IPO13: variants seen among roughly 807,000 people sequenced by gnomAD.
The protein encoded by IPO13 is importin 13.
A neutral mutation model predicts 115.5 loss-of-function variants in IPO13; 28 were observed. That is an observed-to-expected ratio of 0.24 (90% CI 0.18 to 0.33). The LOEUF (loss-of-function observed/expected upper bound fraction) is 0.33. Ranked by LOEUF, IPO13 falls within the 10% of genes least tolerant of loss-of-function variation. The pLI is 1.00. For missense variants in IPO13, 785 were observed against 1,204.6 expected (o/e 0.65, Z 5.16); for synonymous variants, 414 against 478.9 (o/e 0.86, Z 1.77).
intron 2 of IPO13, chr1:43,953,284 G>A (rs765429068): frequency 6.6e-6 from 1 of 152,218 alleles, no homozygotes; most frequent in Non-Finnish European, 1.5e-5. Context: ...CAGCAGCCCT[G>A]CCTCGGCTAC....
intron 1 of IPO13, 111 bp downstream of exon 1, chr1:43,947,795 G>T: frequency 2.0e-6 from 1 of 512,022 alleles, no homozygotes; most frequent in Non-Finnish European, 3.2e-6. Flanking sequence ...GGTGCCCCCA[G>T]AGCACCTGGC....
At chr1:43,963,984 C>T (rs1446327857) in intron 14 of IPO13, among the ~76,000 whole-genome samples, 4 of 152,210 alleles carry the variant, frequency 2.6e-5, no homozygotes, top group Non-Finnish European at 1.5e-5. Flanking sequence ...TCCAGAATTG[C>T]TCAAGTACCA....
At chr1:43,955,295 C>A (rs2085236772) in intron 2 of IPO13, among the ~76,000 whole-genome samples, 2 of 151,780 alleles carry the variant, frequency 1.3e-5, no homozygotes, top group Non-Finnish European at 2.9e-5. Context: ...GGCTTATGAG[C>A]CTGTGTTTAC....
intron 2 of IPO13, among the ~76,000 whole-genome samples, chr1:43,953,845 C>T (rs903426524): frequency 5.9e-5 from 9 of 152,112 alleles, no homozygotes; most frequent in African/African-American, 1.9e-4. Flanking sequence ...TGGGCTGAGA[C>T]GTACATAAAT....
Position 43,955,702 on chromosome 1 carries a change from A to G in IPO13, c.822-618A>G, listed in dbSNP as rs151006812. Among the ~76,000 whole-genome samples, 11 of 152,328 alleles carry G rather than the reference A, an allele frequency of 7.2e-5. No homozygotes were observed. The East Asian group carries it at 1.9e-3, about 27-fold the overall frequency. ...CTACTCCAGTATAACCTCATCTGCAATTATCTTATTTCCAAATAAGATCAC... is the reference window on the plus strand; with the variant it reads ...CTACTCCAGTATAACCTCATCTGCAGTTATCTTATTTCCAAATAAGATCAC... On this transcript the variant is annotated intron_variant, in intron 2 of 19. Transcript: ENST00000372343.
intron 15 of IPO13, 36 bp downstream of exon 15, chr1:43,964,357 C>T: frequency 6.8e-7 from 1 of 1,465,072 alleles, no homozygotes; most frequent in Non-Finnish European, 9.5e-7. Context: ...GTTCTGTTCT[C>T]TCTCTTTCTC....
chr1:43,957,591 C>A, intron 7 of IPO13, 42 bp downstream of exon 7: 1 of 1,608,414 alleles, frequency 6.2e-7, no homozygotes, highest in African/African-American at 1.3e-5. Context: ...CCCAGAGCCA[C>A]AGCACCCAAC....
intron 5 of IPO13, 79 bp downstream of exon 5, chr1:43,957,055 C>G (rs2085255825): frequency 1.9e-6 from 3 of 1,568,296 alleles, no homozygotes; most frequent in South Asian, 1.2e-5. Flanking sequence ...CAAGTCCAGG[C>G]TTTCTGAATT....
At position 43,956,432 on chromosome 1, in the gene IPO13, G is replaced by A. The variant is rs139508774; in HGVS notation, c.934G>A (p.Ala312Thr). Residue 312 changes from alanine (A) to threonine (T), a missense_variant, in exon 3 of 20, where the codon GCT (alanine) becomes ACT (threonine). Around this residue, in one of 3 missense-constraint regions of IPO13, gnomAD observed 325 missense variants for 449.8 expected, o/e 0.72. Coordinates refer to ENST00000372343, the MANE Select transcript of IPO13 (RefSeq NM_014652.4). The surrounding 1 kb of genome is among the most constrained non-coding windows in gnomAD (Gnocchi z 4.7). ...METSHGICRIAVALGENHSRA... is the reference protein window; with the variant it reads ...METSHGICRITVALGENHSRA... ...GACCTCCCATGGCATCTGTCGCATC[G>A]CTGTGGCCCTGGGCGAGAACCACTC... 12 of 1,614,072 alleles carry A rather than the reference G, an allele frequency of 7.4e-6. No individual in the cohort carries two copies. Among genetic ancestry groups the A allele is most frequent in the Admixed American group, 1.7e-5 (1 of 60,004 alleles).
In IPO13 at chr1:43,966,180, T is replaced by C; in HGVS notation, c.2398-395T>C. The C allele has an allele frequency of 3.1e-6, 1 of 326,882 alleles. No homozygotes were observed. Among genetic ancestry groups the C allele is most frequent in the East Asian group, 7.4e-5 (1 of 13,484 alleles). The allele number at this position is 326,882 out of a possible 1,614,324, so 20.2% of individuals were successfully genotyped here. A position where few individuals can be genotyped will look rare whatever the true frequency, so the allele number is the denominator to read the frequency against. ...TCTGGCTGCCATCTCTTCTTCCTGC[T>C]ACCCTGTTCACAAACTGGGGGTGCT... On this transcript the variant is annotated intron_variant, in intron 15 of 19. Transcript: ENST00000372343. The surrounding 1 kb of genome is among the most constrained non-coding windows in gnomAD (Gnocchi z 4.1).
At position 43,966,897 on chromosome 1, in the gene IPO13, A is replaced by G; in HGVS notation, c.2524-33A>G. On this transcript the variant is annotated intron_variant, in intron 17 of 19. Coordinates refer to ENST00000372343, the MANE Select transcript of IPO13 (RefSeq NM_014652.4). The surrounding 1 kb of genome is among the most constrained non-coding windows in gnomAD (Gnocchi z 4.1). ...TTGTCCTCAGGGAGAGCTGGGAAGG[A>G]GCTGGGCTGATGGGCCTCTCCATCC... is the stretch of plus-strand genomic sequence containing the variant. The G allele has an allele frequency of 6.2e-7, 1 of 1,611,076 alleles. No individual in the cohort carries two copies. Among genetic ancestry groups the G allele is most frequent in the Non-Finnish European group, 8.5e-7 (1 of 1,177,644 alleles).
Position 43,947,026 on chromosome 1 carries a change from C to G in IPO13, c.-575C>G. 1 of 398,744 alleles carries G rather than the reference C, an allele frequency of 2.5e-6. No homozygotes were observed. The highest frequency in any genetic ancestry group is 4.4e-6 in the Non-Finnish European group (1 of 226,136). The allele number at this position is 398,744 out of a possible 1,614,324, so 24.7% of individuals were successfully genotyped here. On this transcript the variant is annotated 5_prime_UTR_variant, in exon 1 of 20. Coordinates refer to ENST00000372343, the MANE Select transcript of IPO13 (RefSeq NM_014652.4). ...GCCGGGCGTTGAGCACAGCGCGGGC[C>G]AGGCCGAACGGAAGGGACCTGCCAC...
At chr1:43,955,501 G>A (rs2085238193) in intron 2 of IPO13, among the ~76,000 whole-genome samples, 2 of 152,296 alleles carry the variant, frequency 1.3e-5, no homozygotes, top group South Asian at 2.1e-4. Context: ...AGGAGACTCC[G>A]TCCTTGCCTC....
chr1:43,956,912 T>C lies in IPO13; in HGVS notation c.1207T>C (p.Phe403Leu). The change falls in exon 5 of 20, where the codon TTC becomes CTC. Residue 403 changes from phenylalanine (F) to leucine (L), a missense_variant. By Grantham distance (22) the Phe-to-Leu change is conservative. Around this residue, in one of 3 missense-constraint regions of IPO13, gnomAD observed 175 missense variants for 360.0 expected, o/e 0.49. Transcript: ENST00000372343. The surrounding 1 kb of genome is among the most constrained non-coding windows in gnomAD (Gnocchi z 4.7). ...GGATGTGCTTCTGCACAAGGCCCAG[T>C]TCCCTTCTGATGAGGAATATGGATT... is the stretch of plus-strand genomic sequence containing the variant. Reference protein sequence around the residue: ...LVDVLLHKAQFPSDEEYGFWS... With the variant: ...LVDVLLHKAQLPSDEEYGFWS... The C allele has an allele frequency of 6.2e-7, 1 of 1,614,242 alleles. No individual in the cohort carries two copies. The highest frequency in any genetic ancestry group is 8.5e-7 in the Non-Finnish European group (1 of 1,180,046).
In IPO13 at chr1:43,967,421, C is replaced by T. The variant is rs758616316; in HGVS notation, c.2720C>T (p.Ala907Val). 3 of 1,614,174 alleles carry T rather than the reference C, an allele frequency of 1.9e-6. No individual in the cohort carries two copies. Among genetic ancestry groups the T allele is most frequent in the East Asian group, 2.2e-5 (1 of 44,878 alleles). The stretch of plus-strand genomic sequence containing the variant: ...CTCCTGAGCATGTGGATCAAGGAGG[C>T]CCTGCAGCCACCTGGTTTCCCCTCT... ...FSLLSMWIKEALQPPGFPSAR... is the reference protein window; with the variant it reads ...FSLLSMWIKEVLQPPGFPSAR... The change falls in exon 19 of 20, where the codon GCC becomes GTC. Residue 907 changes from alanine to valine, a missense_variant. Around this residue, in one of 3 missense-constraint regions of IPO13, gnomAD observed 285 missense variants for 394.8 expected, o/e 0.72. Coordinates refer to ENST00000372343, the MANE Select transcript of IPO13 (RefSeq NM_014652.4). This position sits in a 1 kb window ranked among gnomAD's most constrained non-coding sequence, Gnocchi z 6.1.
At position 43,957,415 on chromosome 1, in the gene IPO13, T is replaced by G. The variant is rs763242380; in HGVS notation, c.1406T>G (p.Leu469Arg). ...CTCTTTCCCCAGCACACAGAGGCCCTCCTCTACGGCTTCCAATCCATCGCA... is the reference window on the plus strand; with the variant it reads ...CTCTTTCCCCAGCACACAGAGGCCCGCCTCTACGGCTTCCAATCCATCGCA... Reference protein sequence around the residue: ...EPYSWQHTEALLYGFQSIAET... With the variant: ...EPYSWQHTEARLYGFQSIAET... Residue 469 changes from leucine (L) to arginine (R), a missense_variant, in exon 7 of 20, where the codon CTC becomes CGC. Physicochemically the swap from Leu to Arg is moderately radical, Grantham distance 102. This residue lies in a region of IPO13 where 175 missense variants were observed against 360.0 expected (regional missense o/e 0.49). Coordinates refer to ENST00000372343, the MANE Select transcript of IPO13 (RefSeq NM_014652.4). 6.2e-7 allele frequency: 1 copy of G among 1,614,158 alleles called. No individual in the cohort carries two copies. Among genetic ancestry groups the G allele is most frequent in the Non-Finnish European group, 8.5e-7 (1 of 1,180,020 alleles).
In IPO13 at chr1:43,961,023, C is replaced by T. The variant is rs770400569; in HGVS notation, c.2247+10C>T. The T allele has an allele frequency of 2.5e-6, 4 of 1,613,866 alleles. No homozygotes were observed. Among genetic ancestry groups the T allele is most frequent in the Non-Finnish European group, 3.4e-6 (4 of 1,179,902 alleles). On this transcript the variant is annotated intron_variant, in intron 13 of 19. Transcript: ENST00000372343. ...TGACCTCACTCGACAGGTGGGCCTT[C>T]TGGTTGGGGCAGAGATCCTGACCCT...
chr1:43,947,318 G>A lies in IPO13; in HGVS notation c.-283G>A. Reference sequence around the variant, plus strand: ...CCTCCACACAGATTCTGGGGACAGAGCTGTTACCTGCCACTAGGATCCCCG... The same window carrying A: ...CCTCCACACAGATTCTGGGGACAGAACTGTTACCTGCCACTAGGATCCCCG... On this transcript the variant is annotated 5_prime_UTR_variant, in exon 1 of 20. Transcript: ENST00000372343. 1 of 399,244 alleles carries A rather than the reference G, an allele frequency of 2.5e-6. No individual in the cohort carries two copies. The allele number at this position is 399,244 out of a possible 1,614,324, so 24.7% of individuals were successfully genotyped here.
intron 2 of IPO13, among the ~76,000 whole-genome samples, chr1:43,950,709 C>T (rs1046163947): frequency 5.3e-5 from 8 of 152,124 alleles, no homozygotes; most frequent in Non-Finnish European, 7.4e-5. Flanking sequence ...ACTCTCCTTG[C>T]TCTCTACACG....
Sources: allele counts gnomAD v4.1 joint callset (sites outside exome capture counted in the v4.1 genomes callset), GRCh38; gene constraint gnomAD v4.1.1; regional missense constraint gnomAD v4.1.1; non-coding constraint Gnocchi (gnomAD v3.1); transcripts MANE v1.5; gene names NCBI Gene and HGNC (gene_info 2026-07-23, HGNC 2026-07-21).